PBRM1: variants seen among roughly 807,000 people sequenced by gnomAD.
PBRM1 encodes polybromo 1, also known as protein polybromo-1.
PBRM1 carries 27 observed loss-of-function variants against 194.5 expected under a neutral mutation model. The ratio of observed to expected loss-of-function variants is 0.14; its 90% confidence interval spans 0.10 to 0.19. PBRM1 has a LOEUF of 0.19. Ranked by LOEUF, PBRM1 falls within the 10% of genes least tolerant of loss-of-function variation. PBRM1 has a pLI of 1.00. For synonymous variants in PBRM1, 655 were observed against 693.2 expected (o/e 0.94, Z 0.87); for missense variants, 1,466 against 2,077.2 (o/e 0.71, Z 5.72).
chr3:52,570,453 T>G (rs1349114137), intron 22 of PBRM1, among the ~76,000 whole-genome samples: 1 of 152,112 alleles, frequency 6.6e-6, no homozygotes, highest in African/African-American at 2.4e-5. Flanking sequence ...GCCTTTTAAT[T>G]CAGAAAAGGG....
At chr3:52,632,244 A>C (rs561797652) in intron 11 of PBRM1, among the ~76,000 whole-genome samples, 2 of 152,294 alleles carry the variant, frequency 1.3e-5, no homozygotes, top group South Asian at 4.1e-4. Context: ...ACAGAGTCCA[A>C]AAATATACTC....
At chr3:52,557,127 A>T (rs2082390317) in intron 26 of PBRM1, among the ~76,000 whole-genome samples, 1 of 152,154 alleles carries the variant, frequency 6.6e-6, no homozygotes, top group Admixed American at 6.5e-5. Flanking sequence ...CCCATTAACC[A>T]AAATGGGCCA....
intron 7 of PBRM1, among the ~76,000 whole-genome samples, chr3:52,646,413 T>G (rs2096290157): frequency 6.6e-6 from 1 of 152,178 alleles, no homozygotes; most frequent in Non-Finnish European, 1.5e-5. Flanking sequence ...TGCAAAGCAA[T>G]GAAACAGTCA....
chr3:52,566,116 T>C (rs2085142904), intron 22 of PBRM1, among the ~76,000 whole-genome samples: 1 of 151,000 alleles, frequency 6.6e-6, no homozygotes, highest in South Asian at 2.1e-4. Flanking sequence ...GAAAATCAAA[T>C]CAAAACGGCA....
exon 11 of PBRM1, chr3:52,634,749 G>C (rs1176334509): frequency 1.2e-6 from 2 of 1,613,770 alleles, no homozygotes; most frequent in African/African-American, 1.3e-5. Flanking sequence ...CTGATAAAAA[G>C]GATTTGAAAC....
intron 2 of PBRM1, among the ~76,000 whole-genome samples, chr3:52,672,906 T>C (rs935637010): frequency 1.3e-5 from 2 of 152,218 alleles, no homozygotes; most frequent in African/African-American, 4.8e-5. Flanking sequence ...GATGCCTCTC[T>C]GTGTAATTTA....
chr3:52,612,192 G>A (rs1443189695), intron 15 of PBRM1, among the ~76,000 whole-genome samples: 8 of 146,328 alleles, frequency 5.5e-5, no homozygotes, highest in South Asian at 2.2e-4. Flanking sequence ...CCCAGGAGGC[G>A]GAGGTTGCAG....
At position 52,586,501 on chromosome 3, in the gene PBRM1, G is replaced by A. The variant is rs765343290; in HGVS notation, c.3311C>T (p.Ala1104Val). Residue 1104 changes from alanine (A) to valine (V), a missense_variant, in exon 20 of 30, where the codon GCA becomes GTA. By Grantham distance (64) the Ala-to-Val change is moderately conservative. Coordinates refer to ENST00000296302, the Ensembl canonical transcript of PBRM1. Reference sequence around the variant, plus strand: ...ATTCTTCTCATCATCACCTTTATCTGCATTTGCAAATACAGAGGCCACGCG... The same window carrying A: ...ATTCTTCTCATCATCACCTTTATCTACATTTGCAAATACAGAGGCCACGCG... 5 of 1,613,868 alleles carry A rather than the reference G, an allele frequency of 3.1e-6. No homozygotes were observed. The South Asian group carries it at 5.5e-5, about 18-fold the overall frequency.
intron 13 of PBRM1, 22 bp downstream of exon 14, chr3:52,627,251 C>T (rs2095476438): frequency 2.3e-6 from 3 of 1,331,714 alleles, no homozygotes; most frequent in Non-Finnish European, 3.2e-6. Context: ...GAGATGTCCC[C>T]AGCTATAAGA....
upstream of PBRM1, chr3:52,681,802 AGT>A (rs1185147852): frequency 2.8e-6 from 2 of 717,636 alleles, no homozygotes; most frequent in Non-Finnish European, 3.5e-6. Flanking sequence ...GTGCTGATTC[AGT>A]GTTAGTATAT....
chr3:52,632,326 G>C (rs1272338884), intron 11 of PBRM1, among the ~76,000 whole-genome samples: 1 of 152,112 alleles, frequency 6.6e-6, no homozygotes, highest in Admixed American at 6.5e-5. Flanking sequence ...GCTCACACCT[G>C]GAATCCCAAT....
At chr3:52,553,148 C>T (rs2081372314) in intron 27 of PBRM1, among the ~76,000 whole-genome samples, 1 of 152,198 alleles carries the variant, frequency 6.6e-6, no homozygotes, top group Non-Finnish European at 1.5e-5. Context: ...TTTCCAACCA[C>T]ATTTTACCAT....
chr3:52,567,667 G>A (rs2085733819), intron 22 of PBRM1, among the ~76,000 whole-genome samples: 1 of 150,550 alleles, frequency 6.6e-6, no homozygotes, highest in South Asian at 2.1e-4. Flanking sequence ...GGCCAAGGTT[G>A]GGTATATTTT....
In PBRM1 at chr3:52,599,846, T is replaced by G. The variant is rs76151204; in HGVS notation, c.2779+3675A>C. The stretch of plus-strand genomic sequence containing the variant: ...CTCCATCTCAAAAAAAAAAAAAATT[T>G]TTTTTTACTGTCAATCTCACTTGCA... On this transcript the variant is annotated intron_variant, in intron 17 of 29. Coordinates refer to ENST00000296302, the Ensembl canonical transcript of PBRM1. 1.4e-4 allele frequency among the ~76,000 whole-genome samples: 22 copies of G among 151,812 alleles called. No individual in the cohort carries two copies. The East Asian group carries it at 4.1e-3, about 28-fold the overall frequency.
At chr3:52,685,896 C>A (rs991094181), upstream of PBRM1, 27 of 630,862 alleles carry the variant, frequency 4.3e-5, no homozygotes, top group Middle Eastern at 3.5e-4. Flanking sequence ...TTACCCCTCC[C>A]GGTGCCGCCG....
chr3:52,668,482 T>C lies in PBRM1; in HGVS notation c.384+16A>G. The C allele has an allele frequency of 6.4e-7, 1 of 1,568,080 alleles. No homozygotes were observed. Among genetic ancestry groups the C allele is most frequent in the South Asian group, 1.2e-5 (1 of 83,256 alleles). On this transcript the variant is annotated intron_variant, in intron 3 of 29. Coordinates refer to ENST00000296302, the Ensembl canonical transcript of PBRM1. Reference sequence around the variant, plus strand: ...ATCTTCCAATTGGTATCTTTCCAAATTTCATAATTTCTTACCTTATAATAG... The same window carrying C: ...ATCTTCCAATTGGTATCTTTCCAAACTTCATAATTTCTTACCTTATAATAG...
At chr3:52,654,157 T>G (rs1476375808) in intron 5 of PBRM1, among the ~76,000 whole-genome samples, 1 of 152,152 alleles carries the variant, frequency 6.6e-6, no homozygotes, top group Admixed American at 6.6e-5. Flanking sequence ...CTCTCCCAAC[T>G]CTTCCCACCT....
At chr3:52,679,294 C>A (rs1296001285) in intron 1 of PBRM1, among the ~76,000 whole-genome samples, 1 of 151,484 alleles carries the variant, frequency 6.6e-6, no homozygotes, top group Non-Finnish European at 1.5e-5. Context: ...CTTGTTTCCA[C>A]ATGGCTATAT....
Position 52,665,233 on chromosome 3 carries a change from C to T in PBRM1, c.385-2957G>A, listed in dbSNP as rs562423328. Among the ~76,000 whole-genome samples the T allele has an allele frequency of 9.2e-5, 14 of 152,254 alleles. No homozygotes were observed. In the South Asian group the frequency reaches 2.1e-3, roughly 23 times the overall value. ...GCAGTGGCATGATCATAGCACATTACGGCCTTGAACTCTTGGGCTCAAATG... is the reference window on the plus strand; with the variant it reads ...GCAGTGGCATGATCATAGCACATTATGGCCTTGAACTCTTGGGCTCAAATG... On this transcript the variant is annotated intron_variant, in intron 3 of 29. Transcript: ENST00000296302.
Sources: allele counts gnomAD v4.1 joint callset (sites outside exome capture counted in the v4.1 genomes callset), GRCh38; gene constraint gnomAD v4.1.1; transcripts MANE v1.5; gene names NCBI Gene and HGNC (gene_info 2026-07-23, HGNC 2026-07-21).